Variants in ADRM1 observed in about 807,000 individuals in gnomAD.
ADRM1 encodes the protein proteasomal ubiquitin receptor ADRM1.
In ADRM1, 2 loss-of-function variants were observed where a neutral mutation model predicts 40.1. That is an observed-to-expected ratio of 0.05 (90% CI 0.02 to 0.16). The LOEUF (loss-of-function observed/expected upper bound fraction) is 0.16. Among genes scored for constraint, ADRM1 ranks in the 10% least tolerant of loss-of-function variants. The pLI is 1.00. For synonymous variants in ADRM1, 287 were observed against 240.4 expected (o/e 1.19, Z -1.79); for missense variants, 467 against 552.5 (o/e 0.85, Z 1.55).
chr20:62,307,257 G>T (rs1297034735), intron 5 of ADRM1, 114 bp from the exon 6 acceptor site: 4 of 1,075,182 alleles, frequency 3.7e-6, no homozygotes, highest in Non-Finnish European at 3.9e-6. Context: ...CCACCGCCCC[G>T]CTTCTTCCTG....
At chr20:62,308,608 T>C (rs761107868) in intron 9 of ADRM1, 47 bp from the exon 10 acceptor site, 1 of 1,606,878 alleles carries the variant, frequency 6.2e-7, no homozygotes, top group Non-Finnish European at 8.5e-7. Context: ...TGATCCCCAG[T>C]TCTGGGCAAG....
In ADRM1 at chr20:62,306,276, T is replaced by C. The variant is rs1475975195; in HGVS notation, c.410T>C (p.Leu137Pro). The change falls in exon 4 of 10, where the codon CTG becomes CCG. Residue 137 changes from leucine (L) to proline (P), a missense_variant. Leu to Pro is a moderately conservative substitution (Grantham distance 98). Coordinates refer to ENST00000253003, the MANE Select transcript of ADRM1 (RefSeq NM_007002.4). ...AACAACCCCCCGATGCCTGGGGCGC[T>C]GGGGGCCAGCGGAAGCAGCGGCCAC... ...YLNNPPMPGALGASGSSGHEL... is the reference protein window; with the variant it reads ...YLNNPPMPGAPGASGSSGHEL... 4.3e-6 allele frequency: 7 copies of C among 1,612,426 alleles called. No individual in the cohort carries two copies. The highest frequency in any genetic ancestry group is 5.9e-6 in the Non-Finnish European group (7 of 1,179,538).
chr20:62,308,550 G>A (rs1985521347), intron 9 of ADRM1, 80 bp downstream of exon 9: 2 of 1,560,382 alleles, frequency 1.3e-6, no homozygotes, highest in Admixed American at 1.9e-5. Context: ...CAGAAGTGGG[G>A]CTGAGGGGGT....
intron 3 of ADRM1, chr20:62,305,869 A>G: frequency 3.2e-6 from 1 of 311,566 alleles, no homozygotes; most frequent in Non-Finnish European, 6.2e-6. Context: ...ACCGCACCCC[A>G]GAGGGCAGGA....
chr20:62,308,275 C>T, intron 8 of ADRM1, 93 bp from the exon 9 acceptor site: 2 of 1,537,402 alleles, frequency 1.3e-6, no homozygotes, highest in Non-Finnish European at 8.8e-7. Context: ...GCCAGTGCTT[C>T]ATGTGCCTGA....
intron 3 of ADRM1, 142 bp downstream of exon 3, chr20:62,304,719 G>A: frequency 1.3e-6 from 1 of 796,292 alleles, no homozygotes; most frequent in Admixed American, 2.1e-5. Flanking sequence ...GCCACCTCAG[G>A]GCTGCGGTGC....
intron 2 of ADRM1, chr20:62,304,233 C>T: frequency 1.8e-6 from 1 of 554,648 alleles, no homozygotes; most frequent in Non-Finnish European, 3.2e-6. Flanking sequence ...AACCCCGTTG[C>T]CATCTGAAAG....
rs1413865761 is a variant in ADRM1 at position 62,306,297 on chromosome 20, G to A, written c.431G>A (p.Gly144Asp). ...PGALGASGSS[G>D]HELSALGGEG... is the part of the protein sequence containing the mutation. ...GCGCTGGGGGCCAGCGGAAGCAGCGGCCACGAACTCTCTGCGCTAGGCGGT... is the reference window on the plus strand; with the variant it reads ...GCGCTGGGGGCCAGCGGAAGCAGCGACCACGAACTCTCTGCGCTAGGCGGT... The change falls in exon 4 of 10, where the codon GGC becomes GAC. Residue 144 changes from glycine to aspartate, a missense_variant. Around this residue, in one of 3 missense-constraint regions of ADRM1, gnomAD observed 418 missense variants for 474.6 expected, o/e 0.88. Coordinates refer to ENST00000253003, the MANE Select transcript of ADRM1 (RefSeq NM_007002.4). 8.1e-6 allele frequency: 13 copies of A among 1,612,888 alleles called. No homozygotes were observed. Among genetic ancestry groups the A allele is most frequent in the Non-Finnish European group, 1.1e-5 (13 of 1,179,862 alleles).
intron 4 of ADRM1, 91 bp from the exon 5 acceptor site, chr20:62,306,557 G>T: frequency 1.4e-6 from 2 of 1,384,762 alleles, no homozygotes; most frequent in Non-Finnish European, 1.0e-6. Context: ...AGGGGCAGCC[G>T]AGTGCGGTGC....
intron 5 of ADRM1, among the ~76,000 whole-genome samples, chr20:62,307,077 C>A (rs894652986): frequency 1.3e-5 from 2 of 152,180 alleles, no homozygotes; most frequent in East Asian, 3.9e-4. Flanking sequence ...AGTGCAGACC[C>A]GTGTGCTTGG....
rs949293948 is a variant in ADRM1, at chr20:62,308,816, C to T, written c.*55C>T. The stretch of plus-strand genomic sequence containing the variant: ...GCTTGCAGTGCGTTGCACACCCTCA[C>T]CTCCCACCCACTGATTATTAATAAA... On this transcript the variant is annotated 3_prime_UTR_variant, in exon 10 of 10. Transcript: ENST00000253003. 95 of 1,591,246 alleles carry T rather than the reference C, an allele frequency of 6.0e-5. No individual in the cohort carries two copies. In the African/African-American group the frequency reaches 7.6e-4, roughly 13 times the overall value.
chr20:62,305,894 G>T (rs558962152), intron 3 of ADRM1: 26 of 360,388 alleles, frequency 7.2e-5, no homozygotes, highest in Middle Eastern at 1.7e-3. Flanking sequence ...GAGAGGGCTT[G>T]GTCTGGCAGC....
At position 62,303,062 on chromosome 20, in the gene ADRM1, C is replaced by T. The variant is rs1307019514; in HGVS notation, c.-2+13C>T. 1 of 151,756 alleles carries T rather than the reference C, an allele frequency of 6.6e-6. No individual in the cohort carries two copies. The highest frequency in any genetic ancestry group is 1.5e-5 in the Non-Finnish European group (1 of 67,954). The allele number at this position is 151,756 out of a possible 1,614,324, so 9.4% of individuals were successfully genotyped here. A position where few individuals can be genotyped will look rare whatever the true frequency, so the allele number is the denominator to read the frequency against. On this transcript the variant is annotated intron_variant, in intron 1 of 9. Transcript: ENST00000253003. ...GGGCGCGAGGCAGGTGCGGGAGTCG[C>T]CGGGCCTGGGGCGGCCGGGGGCGAC... is the stretch of plus-strand genomic sequence containing the variant.
At position 62,306,635 on chromosome 20, in the gene ADRM1, C is replaced by T. The variant is rs1250998600; in HGVS notation, c.455-13C>T. 1.4e-5 allele frequency: 22 copies of T among 1,601,480 alleles called. No homozygotes were observed. In the Admixed American group the frequency reaches 3.1e-4, roughly 22 times the overall value. On this transcript the variant is annotated splice_polypyrimidine_tract_variant and intron_variant, in intron 4 of 9. Transcript: ENST00000253003. Reference sequence around the variant, plus strand: ...GGCTGGGGCAGGCCCGCCTGAGCTGCAGTGTTTTCCAGGTGAGGGTGGCCT... The same window carrying T: ...GGCTGGGGCAGGCCCGCCTGAGCTGTAGTGTTTTCCAGGTGAGGGTGGCCT...
rs370872458 is a variant in ADRM1 at position 62,307,363 on chromosome 20, C to T, written c.542-8C>T. ...CATCCTGAGCTCGCATTTCCTTGCC[C>T]CTCGCAGGTGGGCTGGGGGCCCTGA... On this transcript the variant is annotated splice_region_variant and splice_polypyrimidine_tract_variant and intron_variant, in intron 5 of 9. Transcript: ENST00000253003. 3.8e-6 allele frequency: 6 copies of T among 1,598,608 alleles called. No individual in the cohort carries two copies. In the African/African-American group the frequency reaches 6.8e-5, roughly 18 times the overall value.
At chr20:62,306,078 C>A in intron 3 of ADRM1, 119 bp from the exon 4 acceptor site, 1 of 1,385,754 alleles carries the variant, frequency 7.2e-7, no homozygotes, top group Non-Finnish European at 9.7e-7. Context: ...ATTGTGTGGC[C>A]AGGCACACGC....
intron 1 of ADRM1, 104 bp from the exon 2 acceptor site, chr20:62,303,464 T>C (rs1984415704): frequency 6.6e-6 from 8 of 1,213,018 alleles, no homozygotes; most frequent in African/African-American, 6.1e-5. Context: ...CTTAGGCAGC[T>C]CTGGGCGCAG....
intron 7 of ADRM1, 29 bp downstream of exon 7, chr20:62,307,857 T>TG (rs1985341671): frequency 2.5e-6 from 4 of 1,575,600 alleles, no homozygotes; most frequent in African/African-American, 1.3e-5. Context: ...TGGAGCTGGG[T>TG]GGGGGGCATG....
In ADRM1 at chr20:62,307,745, C is replaced by T. The variant is rs780649427; in HGVS notation, c.773C>T (p.Pro258Leu). Reference sequence around the variant, plus strand: ...AATGGAGCCAGCACAGCAGCCAGCCCGACCCAGCCCATCCAGCTGAGCGAC... The same window carrying T: ...AATGGAGCCAGCACAGCAGCCAGCCTGACCCAGCCCATCCAGCTGAGCGAC... ...SGNGASTAAS[P>L]TQPIQLSDLQ... The change falls in exon 7 of 10, where the codon CCG (proline) becomes CTG (leucine). Residue 258 changes from proline to leucine, a missense_variant. Pro to Leu is a moderately conservative substitution (Grantham distance 98, BLOSUM62 -3). This residue lies in a region of ADRM1 where 418 missense variants were observed against 474.6 expected (regional missense o/e 0.88). Coordinates refer to ENST00000253003, the MANE Select transcript of ADRM1 (RefSeq NM_007002.4). 2.0e-5 allele frequency: 32 copies of T among 1,611,848 alleles called. No individual in the cohort carries two copies. Among genetic ancestry groups the T allele is most frequent in the Admixed American group, 1.7e-4 (10 of 59,948 alleles).
Sources: allele counts gnomAD v4.1 joint callset (sites outside exome capture counted in the v4.1 genomes callset), GRCh38; gene constraint gnomAD v4.1.1; regional missense constraint gnomAD v4.1.1; transcripts MANE v1.5; gene names NCBI Gene and HGNC (gene_info 2026-07-23, HGNC 2026-07-21).